Variants in TCP1 observed in about 807,000 individuals in gnomAD.
TCP1 encodes the protein T-complex protein 1 subunit alpha.
Under a neutral mutation model 54.7 loss-of-function variants are expected in TCP1, and 6 were observed. That is an observed-to-expected ratio of 0.11 (90% CI 0.06 to 0.22). TCP1 has a LOEUF of 0.22. TCP1 is among the 10% of genes least tolerant of loss of function. TCP1 has a pLI of 1.00. For missense variants in TCP1, 511 were observed against 678.2 expected (o/e 0.75, Z 2.74); for synonymous variants, 225 against 229.7 (o/e 0.98, Z 0.19).
intron 8 of TCP1, 147 bp downstream of exon 8, chr6:159,780,788 G>A: frequency 8.4e-7 from 1 of 1,197,208 alleles, no homozygotes. Context: ...CATGAAAAAT[G>A]GCTCTATAAA....
chr6:159,786,618 GC>G (rs1222719691), intron 3 of TCP1, among the ~76,000 whole-genome samples: 4 of 152,218 alleles, frequency 2.6e-5, no homozygotes, highest in African/African-American at 9.6e-5. Flanking sequence ...AAGACTGTCA[GC>G]TTCTTATGGA....
chr6:159,782,899 A>G (rs914665706), intron 7 of TCP1, among the ~76,000 whole-genome samples: 2 of 152,228 alleles, frequency 1.3e-5, no homozygotes, highest in Admixed American at 6.5e-5. Context: ...AAGGGTTGCT[A>G]AAGGTCAAGT....
In TCP1 at chr6:159,785,969, T is replaced by C. The variant is rs372770202; in HGVS notation, c.308A>G (p.Asn103Ser). Residue 103 changes from asparagine (N) to serine (S), a missense_variant, in exon 4 of 12, where the codon AAT becomes AGT. Asn to Ser is a conservative substitution (Grantham distance 46). Transcript: ENST00000321394. ...VVIIAAELLK[N>S]ADELVKQKIH... Reference sequence around the variant, plus strand: ...TTTCTGTTTGACTAATTCATCTGCATTTTTTAGGAGTTCTGCTGCAATAAT... The same window carrying C: ...TTTCTGTTTGACTAATTCATCTGCACTTTTTAGGAGTTCTGCTGCAATAAT... 6.2e-7 allele frequency: 1 copy of C among 1,613,824 alleles called. No homozygotes were observed. Among genetic ancestry groups the C allele is most frequent in the Non-Finnish European group, 8.5e-7 (1 of 1,179,854 alleles).
intron 1 of TCP1, chr6:159,788,352 C>T: frequency 2.0e-6 from 1 of 501,124 alleles, no homozygotes; most frequent in East Asian, 3.5e-5. Context: ...CACTGCGAGG[C>T]CGAGGCAGGA....
chr6:159,780,362 A>C, intron 9 of TCP1, 81 bp downstream of exon 9: 1 of 1,599,052 alleles, frequency 6.3e-7, no homozygotes, highest in Non-Finnish European at 8.6e-7. Context: ...TGAGACTACA[A>C]GCAGCAAATA....
intron 1 of TCP1, 145 bp from the exon 2 acceptor site, chr6:159,788,288 C>T (rs985242741): frequency 1.4e-6 from 1 of 725,850 alleles, no homozygotes; most frequent in Non-Finnish European, 2.2e-6. Context: ...TTAAAAACCA[C>T]CTACTAAGAG....
intron 7 of TCP1, among the ~76,000 whole-genome samples, 177 bp from the exon 8 acceptor site, chr6:159,781,287 C>T (rs984816261): frequency 1.3e-5 from 2 of 152,200 alleles, no homozygotes; most frequent in African/African-American, 2.4e-5. Flanking sequence ...AAAATTACCA[C>T]TTAGCTCTCC....
At chr6:159,787,591 ACTT>A (rs201956875) in intron 3 of TCP1, 149 bp downstream of exon 3, 13 of 958,008 alleles carry the variant, frequency 1.4e-5, no homozygotes, top group Non-Finnish European at 2.0e-5. Flanking sequence ...TAAATGTGTA[ACTT>A]CTTTTGTTTT....
chr6:159,783,377 C>CTTTTTT (rs1413059714), intron 7 of TCP1, among the ~76,000 whole-genome samples: 1 of 78,368 alleles, frequency 1.3e-5, no homozygotes, highest in African/African-American at 4.7e-5. Flanking sequence ...ACTGTTTAAA[C>CTTTTTT]TATTTTTTTT....
At chr6:159,783,884 G>C in intron 7 of TCP1, 57 bp downstream of exon 7, 3 of 1,516,032 alleles carry the variant, frequency 2.0e-6, no homozygotes, top group Non-Finnish European at 2.6e-6. Flanking sequence ...GGCTAAAAAT[G>C]TTAAAGTCCT....
At chr6:159,789,176 T>C in intron 1 of TCP1, 1 of 524,028 alleles carries the variant, frequency 1.9e-6, no homozygotes, top group Non-Finnish European at 3.4e-6. Context: ...ATCCACGCGT[T>C]GCCGGTCTCA....
chr6:159,786,079 T>C lies in TCP1; in HGVS notation c.280-82A>G, dbSNP rs1344063386. On this transcript the variant is annotated intron_variant, in intron 3 of 11. Transcript: ENST00000321394. ...ATATGGAATGACACTAAAATGGCCA[T>C]ATATTATTAACCAAAATGGTAGTGA... is the stretch of plus-strand genomic sequence containing the variant. 1.1e-5 allele frequency: 12 copies of C among 1,090,634 alleles called. No homozygotes were observed. In the South Asian group the frequency reaches 1.3e-4, roughly 12 times the overall value. The allele number at this position is 1,090,634 out of a possible 1,614,324, so 67.6% of individuals were successfully genotyped here. A position where few individuals can be genotyped will look rare whatever the true frequency, so the allele number is the denominator to read the frequency against.
Position 159,779,473 on chromosome 6 carries a change from A to G in TCP1, c.1454+154T>C, listed in dbSNP as rs904492916. On this transcript the variant is annotated intron_variant, in intron 11 of 11. Coordinates refer to ENST00000321394, the MANE Select transcript of TCP1 (RefSeq NM_030752.3). ...ATAATTAGTCATTATCCCTTGAATT[A>G]CAGTGACTGAACAACAAATGCTTGC... 9.9e-6 allele frequency: 11 copies of G among 1,110,840 alleles called. No individual in the cohort carries two copies. The Admixed American group carries it at 3.0e-4, about 30-fold the overall frequency. The allele number at this position is 1,110,840 out of a possible 1,614,324, so 68.8% of individuals were successfully genotyped here.
chr6:159,783,851 C>A, intron 7 of TCP1, 90 bp downstream of exon 7: 1 of 1,468,270 alleles, frequency 6.8e-7, no homozygotes, highest in Non-Finnish European at 9.0e-7. Flanking sequence ...GCTAATTTTT[C>A]TGGAAGTAAA....
intron 3 of TCP1, 35 bp downstream of exon 3, chr6:159,787,708 T>C (rs530939608): frequency 4.4e-6 from 7 of 1,590,410 alleles, no homozygotes; most frequent in Non-Finnish European, 6.0e-6. Flanking sequence ...CGGTCGTTTT[T>C]AGAAAAATGA....
rs1780652319 is a variant in TCP1, at chr6:159,784,678, C to T, written c.658G>A (p.Val220Met). Reference protein sequence around the residue: ...LISGYALNCVVGSQGMPKRIV... With the variant: ...LISGYALNCVMGSQGMPKRIV... ...TCCCAAACCTTACCCTGGGATCCCA[C>T]CACACAGTTGAGTGCATAGCCACTG... Residue 220 changes from valine to methionine, a missense_variant, in exon 6 of 12, where the codon GTG becomes ATG. By Grantham distance (21) the Val-to-Met change is conservative (BLOSUM62 1). Transcript: ENST00000321394. 6.2e-7 allele frequency: 1 copy of T among 1,613,216 alleles called. No individual in the cohort carries two copies. The highest frequency in any genetic ancestry group is 8.5e-7 in the Non-Finnish European group (1 of 1,179,634).
At position 159,778,651 on chromosome 6, in the gene TCP1, C is replaced by A. The variant is rs749450146; in HGVS notation, c.*394G>T. On this transcript the variant is annotated 3_prime_UTR_variant, in exon 12 of 12. Transcript: ENST00000321394. The stretch of plus-strand genomic sequence containing the variant: ...AATAAACAATCTAAATCTTTTCTCC[C>A]CCGTTAGGTCAATATTGAAGGAGGG... 6.2e-7 allele frequency: 1 copy of A among 1,613,006 alleles called. No homozygotes were observed. Among genetic ancestry groups the A allele is most frequent in the East Asian group, 2.2e-5 (1 of 44,854 alleles).
In TCP1 at chr6:159,778,621, A is replaced by G; in HGVS notation, c.*424T>C. The stretch of plus-strand genomic sequence containing the variant: ...GTTTAAGATTTTAAACTGTGTCCAC[A>G]GAAGAATAAACAATCTAAATCTTTT... On this transcript the variant is annotated 3_prime_UTR_variant, in exon 12 of 12. Coordinates refer to ENST00000321394, the MANE Select transcript of TCP1 (RefSeq NM_030752.3). 6.2e-7 allele frequency: 1 copy of G among 1,603,388 alleles called. No homozygotes were observed. The highest frequency in any genetic ancestry group is 1.1e-5 in the South Asian group (1 of 90,650).
intron 5 of TCP1, 93 bp from the exon 6 acceptor site, chr6:159,784,940 G>A: frequency 8.0e-7 from 1 of 1,248,462 alleles, no homozygotes; most frequent in Non-Finnish European, 1.2e-6. Flanking sequence ...CTTCCTTTTA[G>A]TAATCTAATC....
Sources: gnomAD v4.1 joint callset for allele counts (sites outside exome capture counted in the v4.1 genomes callset) on GRCh38, gnomAD v4.1.1 for gene constraint, MANE v1.5 for transcripts, NCBI Gene and HGNC (gene_info 2026-07-23, HGNC 2026-07-21) for gene names.